Variants in LINC00305 observed in about 807,000 individuals in gnomAD.
LINC00305 encodes long independently transcribed non-coding RNA 305.
chr18:64,111,114 G>GA (rs1372896399), intron 1 of LINC00305, among the ~76,000 whole-genome samples: 1 of 152,158 alleles, frequency 6.6e-6, no homozygotes, highest in Non-Finnish European at 1.5e-5. Context: ...AAGACTGTGA[G>GA]AAAAAATAGA....
At chr18:64,131,568 C>G (rs1307276261) in intron 1 of LINC00305, among the ~76,000 whole-genome samples, 2 of 152,144 alleles carry the variant, frequency 1.3e-5, no homozygotes, top group East Asian at 3.8e-4. Flanking sequence ...ATTTGAAATA[C>G]AAAGCCAACA....
chr18:64,098,772 C>G (rs1226697582), intron 1 of LINC00305: 2 of 304,786 alleles, frequency 6.6e-6, no homozygotes, highest in South Asian at 3.1e-5. Flanking sequence ...AAGCCTGGAC[C>G]TGAACAGCCT....
chr18:64,095,794 T>A (rs1472980377), intron 3 of LINC00305, among the ~76,000 whole-genome samples: 1 of 152,064 alleles, frequency 6.6e-6, no homozygotes, highest in Non-Finnish European at 1.5e-5. Flanking sequence ...TGTTTCTGAA[T>A]AAAAGACTAA....
chr18:64,097,691 A>G (rs115089928), intron 3 of LINC00305: 36 of 315,670 alleles, frequency 1.1e-4, no homozygotes, highest in African/African-American at 7.1e-4. Context: ...TAGATTGCAA[A>G]AAAAGTAAAA....
At chr18:64,115,634 G>A (rs2051334151) in intron 1 of LINC00305, among the ~76,000 whole-genome samples, 2 of 152,092 alleles carry the variant, frequency 1.3e-5, no homozygotes, top group Non-Finnish European at 2.9e-5. Flanking sequence ...TTTATGATGA[G>A]TCTGTTCAAG....
At chr18:64,095,710 G>A (rs564808987) in intron 3 of LINC00305, among the ~76,000 whole-genome samples, 236 of 152,208 alleles carry the variant, frequency 1.6e-3, no homozygotes, top group African/African-American at 5.5e-3. Context: ...AAAGAAAGTG[G>A]GTGGAGAAAA....
chr18:64,135,901 G>T (rs953185302), intron 1 of LINC00305, among the ~76,000 whole-genome samples: 1 of 151,912 alleles, frequency 6.6e-6, no homozygotes, highest in Non-Finnish European at 1.5e-5. Context: ...TTATAGATTG[G>T]TTTCCCACGT....
chr18:64,087,830 G>A (rs1319311517), intron 3 of LINC00305, among the ~76,000 whole-genome samples: 1 of 151,964 alleles, frequency 6.6e-6, no homozygotes, highest in Non-Finnish European at 1.5e-5. Flanking sequence ...GCTGGCTCAC[G>A]CCTGTAATCC....
chr18:64,129,031 T>C (rs971255730), intron 1 of LINC00305, among the ~76,000 whole-genome samples: 2 of 152,176 alleles, frequency 1.3e-5, no homozygotes, highest in Admixed American at 6.6e-5. Flanking sequence ...GTGGAAGATA[T>C]TGTCTATTAT....
chr18:64,082,873 T>C (rs1287577511), intron 3 of LINC00305, among the ~76,000 whole-genome samples: 2 of 152,194 alleles, frequency 1.3e-5, no homozygotes, highest in Non-Finnish European at 2.9e-5. Context: ...TCTTTCATTT[T>C]AATCTTTCTT....
chr18:64,109,734 T>G (rs2051307229), intron 1 of LINC00305, among the ~76,000 whole-genome samples: 1 of 152,206 alleles, frequency 6.6e-6, no homozygotes, highest in Non-Finnish European at 1.5e-5. Flanking sequence ...CATGGAAGAC[T>G]GCAATTCCTA....
chr18:64,140,975 G>C (rs1390673421), intron 1 of LINC00305, among the ~76,000 whole-genome samples: 1 of 147,628 alleles, frequency 6.8e-6, no homozygotes, highest in Non-Finnish European at 1.5e-5. Context: ...GCCCTCAGCT[G>C]TCAGCCAGCA....
intron 3 of LINC00305, among the ~76,000 whole-genome samples, chr18:64,093,904 A>C (rs565765381): frequency 6.7e-6 from 1 of 149,072 alleles, no homozygotes; most frequent in South Asian, 2.1e-4. Context: ...CCCCACCTTT[A>C]CTCAAAGAAC....
intron 3 of LINC00305, among the ~76,000 whole-genome samples, chr18:64,093,655 T>G (rs2613661): frequency 0.32 from 49,317 of 152,034 alleles, 9,399 homozygotes; most frequent in African/African-American, 0.53. Context: ...GTCAATATGT[T>G]CTTGTAGTCA....
At chr18:64,138,484 T>C (rs1387925286) in intron 1 of LINC00305, among the ~76,000 whole-genome samples, 2 of 152,264 alleles carry the variant, frequency 1.3e-5, no homozygotes, top group Non-Finnish European at 2.9e-5. Flanking sequence ...CTGCTTTTGC[T>C]GTGTTACAGC....
intron 1 of LINC00305, among the ~76,000 whole-genome samples, chr18:64,114,349 A>G (rs772278931): frequency 3.7e-4 from 57 of 152,096 alleles, no homozygotes; most frequent in Non-Finnish European, 4.1e-4. Context: ...ACTTTGGGGG[A>G]GGAGACGGGT....
intron 1 of LINC00305, among the ~76,000 whole-genome samples, chr18:64,136,765 G>C (rs1473728901): frequency 6.6e-6 from 1 of 152,206 alleles, no homozygotes; most frequent in Non-Finnish European, 1.5e-5. Flanking sequence ...AGCCTGGCTT[G>C]TGTGTGGCGC....
Position 64,146,315 on chromosome 18 carries a change from A to G in LINC00305, n.314+2460T>C, listed in dbSNP as rs375599432. On this transcript the variant is annotated intron_variant and non_coding_transcript_variant, in intron 1 of 3. Transcript: ENST00000666468. ...CAAAGATGACAGTGTGACCATCCCA[A>G]GAAACAGCTCCCATTATGAATTTTT... Among the ~76,000 whole-genome samples, 115 of 152,356 alleles carry G rather than the reference A, an allele frequency of 7.5e-4. 3 individuals are homozygous for G. The South Asian group carries it at 0.023, about 31-fold the overall frequency.
At chr18:64,106,172 C>T (rs1265051973) in intron 1 of LINC00305, among the ~76,000 whole-genome samples, 1 of 152,178 alleles carries the variant, frequency 6.6e-6, no homozygotes, top group Non-Finnish European at 1.5e-5. Flanking sequence ...TCAGGTTACC[C>T]TTCAATTTGG....
Sources: allele counts gnomAD v4.1 joint callset (sites outside exome capture counted in the v4.1 genomes callset), GRCh38; gene constraint gnomAD v4.1.1; transcripts MANE v1.5; gene names NCBI Gene and HGNC (gene_info 2026-07-23, HGNC 2026-07-21).